EMSY: variants seen among roughly 807,000 people sequenced by gnomAD.
The protein encoded by EMSY is BRCA2-interacting transcriptional repressor EMSY.
EMSY carries 26 observed loss-of-function variants against 134.6 expected under a neutral mutation model. The ratio of observed to expected loss-of-function variants is 0.19; its 90% CI spans 0.14 to 0.27. EMSY has a LOEUF of 0.27. Among genes scored for constraint, EMSY ranks in the 10% least tolerant of loss-of-function variants. The pLI is 1.00. For synonymous variants in EMSY, 579 were observed against 577.8 expected (o/e 1.00, Z -0.03); for missense variants, 1,305 against 1,611.4 (o/e 0.81, Z 3.26).
At chr11:76,464,809 A>G (rs1272055993) in intron 7 of EMSY, among the ~76,000 whole-genome samples, 1 of 152,196 alleles carries the variant, frequency 6.6e-6, no homozygotes, top group Non-Finnish European at 1.5e-5. Flanking sequence ...CTTGCATGGT[A>G]GACTGCAAAT....
chr11:76,545,805 G>A (rs1951624314), exon 20 of EMSY: 1 of 1,601,258 alleles, frequency 6.2e-7, no homozygotes, highest in Non-Finnish European at 8.5e-7. Context: ...AGGTGGAGCA[G>A]CCAATTATAA....
intron 14 of EMSY, among the ~76,000 whole-genome samples, chr11:76,533,988 G>A (rs1021454891): frequency 1.3e-5 from 2 of 152,172 alleles, no homozygotes; most frequent in African/African-American, 4.8e-5. Context: ...GGTTGCTACA[G>A]TGATACTTAT....
intron 17 of EMSY, among the ~76,000 whole-genome samples, chr11:76,539,894 G>A (rs1366012885): frequency 6.6e-6 from 1 of 152,116 alleles, no homozygotes; most frequent in Non-Finnish European, 1.5e-5. Flanking sequence ...GCCCAGTTAA[G>A]GTCACTTCAG....
At chr11:76,513,613 A>G in intron 10 of EMSY, 78 bp downstream of exon 11, 1 of 1,482,768 alleles carries the variant, frequency 6.7e-7, no homozygotes, top group Non-Finnish European at 9.2e-7. Flanking sequence ...AATATGCTTG[A>G]CACTTGGGAT....
intron 7 of EMSY, among the ~76,000 whole-genome samples, chr11:76,464,445 A>G (rs1948268354): frequency 6.6e-6 from 1 of 152,254 alleles, no homozygotes; most frequent in Non-Finnish European, 1.5e-5. Context: ...CCAAAGTAGT[A>G]AAGTTGTCAG....
intron 8 of EMSY, among the ~76,000 whole-genome samples, chr11:76,477,522 T>C (rs1044307392): frequency 3.3e-5 from 5 of 152,130 alleles, no homozygotes; most frequent in African/African-American, 1.2e-4. Context: ...TATTATATTT[T>C]ACTTTTTTCT....
intron 11 of EMSY, among the ~76,000 whole-genome samples, chr11:76,517,213 G>T (rs2513519): frequency 0.91 from 137,429 of 151,704 alleles, 63,109 homozygotes; most frequent in South Asian, 0.98. Context: ...CTCAGGGAGT[G>T]AAAAAAAAAG....
rs780181418 is a variant in EMSY, at chr11:76,550,143, C to T, written c.3966C>T (p.Ser1322=). 5 of 1,609,352 alleles carry T rather than the reference C, an allele frequency of 3.1e-6. No individual in the cohort carries two copies. In the Admixed American group the frequency reaches 8.4e-5, roughly 27 times the overall value. ...CTTCTCAGAGCTCTGCTGAACGGTC[C>T]TAGTGTTTGGACACAATAGTGCACT... The change falls in exon 21 of 21, where the codon TCC becomes TCT. Residue 1322 remains serine, a synonymous_variant. Transcript: ENST00000334736.
chr11:76,510,946 A>G (rs1429608310), intron 9 of EMSY, among the ~76,000 whole-genome samples: 1 of 152,132 alleles, frequency 6.6e-6, no homozygotes, highest in Non-Finnish European at 1.5e-5. Flanking sequence ...ATTTTTTGAG[A>G]TTTTATTGAG....
chr11:76,536,400 C>G (rs1229493649), intron 15 of EMSY, among the ~76,000 whole-genome samples: 3 of 152,150 alleles, frequency 2.0e-5, no homozygotes, highest in Admixed American at 1.3e-4. Flanking sequence ...AAGCACAAGG[C>G]TAGATACAGT....
At chr11:76,520,622 A>G (rs1040257192) in intron 11 of EMSY, among the ~76,000 whole-genome samples, 4 of 152,200 alleles carry the variant, frequency 2.6e-5, no homozygotes, top group South Asian at 4.1e-4. Context: ...ATAGATTAAA[A>G]TGCTCTTTTA....
intron 8 of EMSY, among the ~76,000 whole-genome samples, chr11:76,494,656 TTCCTTCCTTCCTTCCTTCC>T (rs1949559469): frequency 0.02 from 33 of 1,680 alleles, no homozygotes; most frequent in African/African-American, 0.048. Flanking sequence ...TTTCCCTTCC[TTCCTTCCTTCCTTCCTTCC>T]TTCCTTCCTT....
At chr11:76,485,726 G>A (rs1949151115) in intron 8 of EMSY, among the ~76,000 whole-genome samples, 2 of 152,110 alleles carry the variant, frequency 1.3e-5, no homozygotes, top group Admixed American at 6.5e-5. Context: ...GAAATAAAGG[G>A]TATTCAATAA....
At chr11:76,489,267 A>G (rs910507263) in intron 8 of EMSY, among the ~76,000 whole-genome samples, 3 of 150,622 alleles carry the variant, frequency 2.0e-5, no homozygotes, top group Admixed American at 1.3e-4. Context: ...GGTTCTGTGC[A>G]TGTCCATGTT....
exon 5 of EMSY, chr11:76,458,291 T>A: frequency 6.2e-7 from 1 of 1,614,058 alleles, no homozygotes; most frequent in Non-Finnish European, 8.5e-7. Context: ...CAGCTAATGC[T>A]GTTGCTAATG....
chr11:76,497,324 T>G (rs1470189517), intron 9 of EMSY: 3 of 152,254 alleles, frequency 2.0e-5, no homozygotes, highest in Non-Finnish European at 4.4e-5. Context: ...TCTTATTTTA[T>G]ACTGCCTTTG....
At chr11:76,537,732 C>T (rs1173748618) in intron 15 of EMSY, 63 bp from the exon 17 acceptor site, 1 of 1,419,864 alleles carries the variant, frequency 7.0e-7, no homozygotes, top group East Asian at 2.3e-5. Flanking sequence ...TTCCTGTGGA[C>T]AACTCTGGTT....
intron 8 of EMSY, among the ~76,000 whole-genome samples, chr11:76,479,104 A>G (rs780268940): frequency 2.6e-5 from 4 of 152,128 alleles, no homozygotes; most frequent in Non-Finnish European, 4.4e-5. Flanking sequence ...TAAAAAAAAA[A>G]TGGGGCAGAG....
At chr11:76,491,177 C>A (rs201676059) in intron 8 of EMSY, among the ~76,000 whole-genome samples, 1 of 129,916 alleles carries the variant, frequency 7.7e-6, no homozygotes. Context: ...CTTCTTTTTT[C>A]TTTTTTTTTT....
Sources: gnomAD v4.1 joint callset for allele counts (sites outside exome capture counted in the v4.1 genomes callset) on GRCh38, gnomAD v4.1.1 for gene constraint, MANE v1.5 for transcripts, NCBI Gene and HGNC (gene_info 2026-07-23, HGNC 2026-07-21) for gene names.